UBE2Z: variants seen among roughly 807,000 people sequenced by gnomAD.
UBE2Z encodes the protein ubiquitin-conjugating enzyme E2 Z.
UBE2Z carries 10 observed loss-of-function variants against 32.6 expected under a neutral mutation model. The ratio of observed to expected loss-of-function variants is 0.31; its 90% CI spans 0.19 to 0.52. UBE2Z has a LOEUF of 0.52. Ranked by LOEUF, UBE2Z falls within the 20% of genes least tolerant of loss-of-function variation. The pLI is 0.97. For synonymous variants in UBE2Z, 183 were observed against 190.8 expected (o/e 0.96, Z 0.34); for missense variants, 343 against 480.9 (o/e 0.71, Z 2.68).
chr17:48,914,796 G>A (rs1413156985), intron 3 of UBE2Z, among the ~76,000 whole-genome samples: 3 of 152,126 alleles, frequency 2.0e-5, no homozygotes, highest in Non-Finnish European at 4.4e-5. Context: ...AGGCCGAGGC[G>A]GGTGGATCAC....
intron 3 of UBE2Z, 35 bp from the exon 4 acceptor site, chr17:48,916,040 CT>C: frequency 6.8e-7 from 1 of 1,478,424 alleles, no homozygotes; most frequent in Non-Finnish European, 9.2e-7. Context: ...TATTCTTTCT[CT>C]GCCTCACCCT....
intron 1 of UBE2Z, among the ~76,000 whole-genome samples, chr17:48,909,795 A>G (rs1314541448): frequency 2.6e-5 from 4 of 152,020 alleles, no homozygotes; most frequent in Non-Finnish European, 5.9e-5. Context: ...CATCACAAGC[A>G]TCTTCGTTTA....
intron 3 of UBE2Z, 70 bp from the exon 4 acceptor site, chr17:48,916,006 C>T (rs948118334): frequency 3.0e-6 from 3 of 1,001,176 alleles, no homozygotes; most frequent in Middle Eastern, 4.8e-4. Context: ...GGTGGTGTTG[C>T]CGGGCCCCAG....
intron 2 of UBE2Z, 29 bp downstream of exon 2, chr17:48,910,909 T>A: frequency 6.4e-7 from 1 of 1,572,860 alleles, no homozygotes; most frequent in Non-Finnish European, 8.7e-7. Flanking sequence ...GTTTGGGGGG[T>A]TTTGGGAAAT....
chr17:48,917,159 A>T (rs887473548), intron 4 of UBE2Z, among the ~76,000 whole-genome samples: 15 of 152,158 alleles, frequency 9.9e-5, no homozygotes, highest in African/African-American at 3.6e-4. Context: ...ACAAAAAATT[A>T]GCTGGGTGTG....
Position 48,910,852 on chromosome 17 carries a change from T to C in UBE2Z, c.362T>C (p.Val121Ala). 1 of 1,613,692 alleles carries C rather than the reference T, an allele frequency of 6.2e-7. No individual in the cohort carries two copies. The highest frequency in any genetic ancestry group is 8.5e-7 in the Non-Finnish European group (1 of 1,179,666). Residue 121 changes from valine (V) to alanine (A), a missense_variant, in exon 2 of 7, where the codon GTT becomes GCT. Val to Ala is a moderately conservative substitution (Grantham distance 64). Coordinates refer to ENST00000360943, the MANE Select transcript of UBE2Z (RefSeq NM_023079.5). ...AAGGAGCCTCCTCCAGGAATGTTCG[T>C]TGTACCTGATACTGTTGACATGACT... Reference protein sequence around the residue: ...IYKEPPPGMFVVPDTVDMTKI... With the variant: ...IYKEPPPGMFAVPDTVDMTKI...
chr17:48,926,956 C>A lies in UBE2Z; in HGVS notation c.895-8C>A. On this transcript the variant is annotated splice_region_variant and splice_polypyrimidine_tract_variant and intron_variant, in intron 6 of 6. Transcript: ENST00000360943. ...AATCTTCCATCCCCTTGTCTCCTTT[C>A]CCCACAGGACCCTTTTGGAGAGAAG... The A allele has an allele frequency of 6.2e-7, 1 of 1,610,050 alleles. No homozygotes were observed. Among genetic ancestry groups the A allele is most frequent in the Non-Finnish European group, 8.5e-7 (1 of 1,178,060 alleles).
rs1598080034 is a variant in UBE2Z at position 48,929,027 on chromosome 17, T to C, written c.*1893T>C. On this transcript the variant is annotated 3_prime_UTR_variant, in exon 7 of 7. Coordinates refer to ENST00000360943, the MANE Select transcript of UBE2Z (RefSeq NM_023079.5). ...TTTTTTTGTTTTTTTTGTTTTCCTT[T>C]TTGGTGCAATAAAGTTTGTTTTGGC... 6.5e-6 allele frequency: 1 copy of C among 152,770 alleles called. No homozygotes were observed. The highest frequency in any genetic ancestry group is 1.5e-5 in the Non-Finnish European group (1 of 68,052). 9.5% of individuals were successfully genotyped at this position (152,770 alleles called of 1,614,324 possible). A position where few individuals can be genotyped will look rare whatever the true frequency, so the allele number is the denominator to read the frequency against.
chr17:48,915,211 G>A (rs1251429885), intron 3 of UBE2Z, among the ~76,000 whole-genome samples: 2 of 152,222 alleles, frequency 1.3e-5, no homozygotes, highest in East Asian at 3.9e-4. Context: ...GGGGAGCAAA[G>A]CTGAAAAGAT....
At chr17:48,923,205 C>A in intron 6 of UBE2Z, 1 of 245,468 alleles carries the variant, frequency 4.1e-6, no homozygotes, top group Non-Finnish European at 8.1e-6. Flanking sequence ...CCTGTAGTCC[C>A]ATCTACTCAG....
chr17:48,923,093 G>T, intron 6 of UBE2Z, 156 bp downstream of exon 6: 1 of 578,310 alleles, frequency 1.7e-6, no homozygotes, highest in Non-Finnish European at 2.9e-6. Flanking sequence ...AGGCCAAGGC[G>T]GGCGGATCAC....
intron 6 of UBE2Z, among the ~76,000 whole-genome samples, chr17:48,926,283 C>T (rs1015510248): frequency 3.7e-4 from 56 of 152,126 alleles, no homozygotes; most frequent in Admixed American, 1.1e-3. Flanking sequence ...GCAACTTTTA[C>T]CTTCTGTGGT....
At chr17:48,910,760 T>TCCCCCTCTTCCTCACTCCTTC (rs1567776929) in intron 1 of UBE2Z, 48 bp from the exon 2 acceptor site, 1 of 1,432,444 alleles carries the variant, frequency 7.0e-7, no homozygotes, top group Non-Finnish European at 9.9e-7. Context: ...ATTCCCCCTT[T>TCCCCCTCTTCCTCACTCCTTC]CCCCCTCTTC....
At chr17:48,920,823 C>G (rs2040753509) in intron 4 of UBE2Z, among the ~76,000 whole-genome samples, 1 of 152,116 alleles carries the variant, frequency 6.6e-6, no homozygotes, top group Non-Finnish European at 1.5e-5. Flanking sequence ...TGCCACCAGG[C>G]TTAGCAACCC....
At chr17:48,926,170 G>GGA (rs1271061134) in intron 6 of UBE2Z, among the ~76,000 whole-genome samples, 6 of 152,094 alleles carry the variant, frequency 3.9e-5, no homozygotes, top group Non-Finnish European at 8.8e-5. Flanking sequence ...GAGTCCCTGG[G>GGA]GAGGAGTACA....
chr17:48,908,622 C>T lies in UBE2Z; in HGVS notation c.119C>T (p.Pro40Leu). The T allele has an allele frequency of 8.1e-7, 1 of 1,234,626 alleles. No homozygotes were observed. The highest frequency in any genetic ancestry group is 3.2e-5 in the East Asian group (1 of 31,250). The allele number at this position is 1,234,626 out of a possible 1,614,324, so 76.5% of individuals were successfully genotyped here. Reference protein sequence around the residue: ...VSGSGGGFGPPFLPDVWAAAA... With the variant: ...VSGSGGGFGPLFLPDVWAAAA... ...GGCAGCGGCGGCGGGTTCGGGCCGC[C>T]TTTCCTGCCGGATGTGTGGGCGGCG... Residue 40 changes from proline to leucine, a missense_variant, in exon 1 of 7, where the codon CCT (proline) becomes CTT (leucine). Pro to Leu is a moderately conservative substitution (Grantham distance 98). Around this residue, in one of 4 missense-constraint regions of UBE2Z, gnomAD observed 103 missense variants for 96.2 expected, o/e 1.07. Transcript: ENST00000360943.
chr17:48,922,711 G>A, intron 5 of UBE2Z, 136 bp from the exon 6 acceptor site: 1 of 541,192 alleles, frequency 1.8e-6, no homozygotes, highest in Non-Finnish European at 3.3e-6. Flanking sequence ...AGGTCACAGT[G>A]AGCTGAGGTT....
At chr17:48,914,922 G>A (rs2040708604) in intron 3 of UBE2Z, among the ~76,000 whole-genome samples, 1 of 152,152 alleles carries the variant, frequency 6.6e-6, no homozygotes, top group South Asian at 2.1e-4. Context: ...TCGGGAGGCT[G>A]AGGCACAAGA....
At position 48,928,876 on chromosome 17, in the gene UBE2Z, G is replaced by A. The variant is rs1423013897; in HGVS notation, c.*1742G>A. ...ACTTTCAAGTGACAATCCTCTCCTTGGCCCTGCCATAGGGCAGAGCATGTC... is the reference window on the plus strand; with the variant it reads ...ACTTTCAAGTGACAATCCTCTCCTTAGCCCTGCCATAGGGCAGAGCATGTC... On this transcript the variant is annotated 3_prime_UTR_variant, in exon 7 of 7. Transcript: ENST00000360943. 2 of 152,614 alleles carry A rather than the reference G, an allele frequency of 1.3e-5. No individual in the cohort carries two copies. The highest frequency in any genetic ancestry group is 6.5e-5 in the Admixed American group (1 of 15,278). 9.5% of individuals were successfully genotyped at this position (152,614 alleles called of 1,614,324 possible).
Sources: gnomAD v4.1 joint callset for allele counts (sites outside exome capture counted in the v4.1 genomes callset) on GRCh38, gnomAD v4.1.1 for gene constraint, gnomAD v4.1.1 regional missense constraint, MANE v1.5 for transcripts, NCBI Gene and HGNC (gene_info 2026-07-23, HGNC 2026-07-21) for gene names.